TMTC2: variants seen among roughly 807,000 people sequenced by gnomAD.
TMTC2 encodes the protein transmembrane O-mannosyltransferase targeting cadherins 2.
Under a neutral mutation model 82.4 loss-of-function variants are expected in TMTC2, and 43 were observed. The ratio of observed to expected loss-of-function variants is 0.52; its 90% CI spans 0.41 to 0.67. The LOEUF (loss-of-function observed/expected upper bound fraction) is 0.67. Among genes scored for constraint, TMTC2 ranks in the 30% least tolerant of loss-of-function variants. The pLI is 0.00. For missense variants in TMTC2, 919 were observed against 1,012.4 expected (o/e 0.91, Z 1.25); for synonymous variants, 408 against 381.9 (o/e 1.07, Z -0.80).
chr12:82,813,767 G>C (rs967598105), intron 1 of TMTC2, among the ~76,000 whole-genome samples: 2 of 151,868 alleles, frequency 1.3e-5, no homozygotes, highest in African/African-American at 4.8e-5. Flanking sequence ...AGTTTTCTAT[G>C]TACTTATTGA....
chr12:83,026,732 G>GTGTA (rs1230155507), intron 8 of TMTC2, among the ~76,000 whole-genome samples: 1 of 150,770 alleles, frequency 6.6e-6, no homozygotes, highest in Non-Finnish European at 1.5e-5. Flanking sequence ...GTGTGTGTGT[G>GTGTA]TGTGTGTGTG....
At chr12:82,875,136 T>C (rs1872418289) in intron 2 of TMTC2, among the ~76,000 whole-genome samples, 1 of 152,148 alleles carries the variant, frequency 6.6e-6, no homozygotes, top group Non-Finnish European at 1.5e-5. Context: ...TGCTGACTCC[T>C]GATCTTTCTA....
chr12:82,752,150 T>A (rs1209248929), intron 1 of TMTC2, among the ~76,000 whole-genome samples: 2 of 150,678 alleles, frequency 1.3e-5, no homozygotes, highest in African/African-American at 4.9e-5. Context: ...GAAGCTCCTT[T>A]TTTTTTTTTT....
chr12:82,919,014 C>T (rs976066070), intron 3 of TMTC2, among the ~76,000 whole-genome samples: 2 of 152,326 alleles, frequency 1.3e-5, no homozygotes, highest in Non-Finnish European at 2.9e-5. Flanking sequence ...CCTTGGCTTC[C>T]CAGAGTGCTG....
At chr12:82,712,254 A>G (rs1287459881) in intron 1 of TMTC2, among the ~76,000 whole-genome samples, 1 of 152,122 alleles carries the variant, frequency 6.6e-6, no homozygotes, top group Non-Finnish European at 1.5e-5. Context: ...ATGTGGTGAA[A>G]CCCTGTCTCT....
At chr12:82,941,161 AGGAG>A (rs1876698350) in intron 4 of TMTC2, among the ~76,000 whole-genome samples, 1 of 152,168 alleles carries the variant, frequency 6.6e-6, no homozygotes, top group African/African-American at 2.4e-5. Flanking sequence ...TGTGATATTT[AGGAG>A]GGAGATCTAT....
intron 1 of TMTC2, among the ~76,000 whole-genome samples, chr12:82,786,475 C>T (rs1216158513): frequency 1.3e-5 from 2 of 152,088 alleles, no homozygotes; most frequent in Admixed American, 6.6e-5. Context: ...ATCAGTGGTG[C>T]TGACTTAATT....
chr12:83,104,823 T>A (rs963878156), intron 11 of TMTC2, among the ~76,000 whole-genome samples: 3 of 152,230 alleles, frequency 2.0e-5, no homozygotes, highest in African/African-American at 7.2e-5. Flanking sequence ...AAGCTTTTTC[T>A]TTTTCTTTCT....
At chr12:82,730,950 T>A (rs887038322) in intron 1 of TMTC2, among the ~76,000 whole-genome samples, 2 of 152,230 alleles carry the variant, frequency 1.3e-5, no homozygotes, top group South Asian at 2.1e-4. Flanking sequence ...AACTATTGGA[T>A]TCAGAGTAGC....
chr12:82,707,512 T>C (rs1005694777), intron 1 of TMTC2, among the ~76,000 whole-genome samples: 9 of 152,208 alleles, frequency 5.9e-5, no homozygotes, highest in African/African-American at 2.2e-4. Flanking sequence ...CTCTGTTTCT[T>C]TCTTCATCTC....
At chr12:83,131,750 TGTTA>T in intron 11 of TMTC2, among the ~76,000 whole-genome samples, 1 of 152,340 alleles carries the variant, frequency 6.6e-6, no homozygotes, top group African/African-American at 2.4e-5. Context: ...AATTGTTTTG[TGTTA>T]AAAGCCTGGG....
At chr12:83,089,740 A>G (rs978927417) in intron 11 of TMTC2, among the ~76,000 whole-genome samples, 1 of 152,148 alleles carries the variant, frequency 6.6e-6, no homozygotes, top group East Asian at 1.9e-4. Flanking sequence ...CAAAGCTCCA[A>G]ATGTGGATCT....
At chr12:83,045,707 TCACACACACACACACACACG>T (rs765355449) in intron 9 of TMTC2, among the ~76,000 whole-genome samples, 1 of 122,706 alleles carries the variant, frequency 8.1e-6, no homozygotes, top group African/African-American at 3.4e-5. Flanking sequence ...AAGGGCTCCT[TCACACACACACACACACACG>T]CACACACACA....
Position 82,942,248 on chromosome 12 carries a change from A to G in TMTC2, c.1598+11703A>G, listed in dbSNP as rs75426895. Among the ~76,000 whole-genome samples, 1,116 of 152,334 alleles carry G rather than the reference A, an allele frequency of 7.3e-3. 10 individuals carry two copies. Among genetic ancestry groups the G allele is most frequent in the Admixed American group, 0.013 (196 of 15,296 alleles). ...GGATATTTCAGCAAAATACACTTCA[A>G]TAGCTCCATTTGTTAATCAGAAAAA... On this transcript the variant is annotated intron_variant, in intron 4 of 11. Transcript: ENST00000321196.
chr12:82,836,391 T>C (rs1454626935), intron 1 of TMTC2, among the ~76,000 whole-genome samples: 7 of 152,154 alleles, frequency 4.6e-5, no homozygotes, highest in African/African-American at 9.7e-5. Context: ...CAAAGATCCT[T>C]ATAAGGGAAA....
At chr12:82,883,515 C>T (rs145410478) in intron 2 of TMTC2, among the ~76,000 whole-genome samples, 7 of 152,126 alleles carry the variant, frequency 4.6e-5, no homozygotes, top group Non-Finnish European at 8.8e-5. Context: ...TCTTAGCCTC[C>T]CCACTGAGTG....
intron 8 of TMTC2, among the ~76,000 whole-genome samples, chr12:83,000,965 T>G (rs983613790): frequency 5.3e-5 from 8 of 152,114 alleles, no homozygotes; most frequent in Non-Finnish European, 7.4e-5. Context: ...CTTGGCTCAT[T>G]TTAGTCATGG....
intron 8 of TMTC2, among the ~76,000 whole-genome samples, chr12:82,998,848 G>A (rs954439910): frequency 6.6e-6 from 1 of 151,882 alleles, no homozygotes; most frequent in African/African-American, 2.4e-5. Flanking sequence ...TAAAACAAAG[G>A]CTATAATTTT....
At chr12:82,713,062 G>A (rs1166870944) in intron 1 of TMTC2, among the ~76,000 whole-genome samples, 1 of 152,194 alleles carries the variant, frequency 6.6e-6, no homozygotes, top group African/African-American at 2.4e-5. Flanking sequence ...GCTCACACCT[G>A]TAATCCCAGC....
Sources: allele counts gnomAD v4.1 joint callset (sites outside exome capture counted in the v4.1 genomes callset), GRCh38; gene constraint gnomAD v4.1.1; transcripts MANE v1.5; gene names NCBI Gene and HGNC (gene_info 2026-07-23, HGNC 2026-07-21).